The following MAP4K3 variants were observed in gnomAD, a reference collection of about 807,000 sequenced individuals.
The protein encoded by MAP4K3 is MAPK/ERK kinase kinase kinase 3.
In MAP4K3, 94 loss-of-function variants were observed where a neutral mutation model predicts 143.5. The ratio of observed to expected loss-of-function variants is 0.65; its 90% CI spans 0.55 to 0.78. MAP4K3 has a LOEUF of 0.78. Ranked by LOEUF, MAP4K3 falls within the 30% of genes least tolerant of loss-of-function variation. MAP4K3 has a pLI of 0.00. For missense variants in MAP4K3, 1,077 were observed against 1,068.1 expected (o/e 1.01, Z -0.12); for synonymous variants, 416 against 347.2 (o/e 1.20, Z -2.20).
intron 2 of MAP4K3, among the ~76,000 whole-genome samples, chr2:39,368,091 G>A (rs923028909): frequency 2.6e-5 from 4 of 152,102 alleles, no homozygotes; most frequent in African/African-American, 9.7e-5. Flanking sequence ...GGTTCTGATG[G>A]AAGGCCCAAA....
chr2:39,321,772 T>C lies in MAP4K3; in HGVS notation c.918+3746A>G, dbSNP rs180959815. 2.4e-3 allele frequency among the ~76,000 whole-genome samples: 364 copies of C among 152,310 alleles called. 1 individual carries two copies. The highest frequency in any genetic ancestry group is 6.8e-3 in the Middle Eastern group (2 of 294). On this transcript the variant is annotated intron_variant, in intron 12 of 33. Transcript: ENST00000263881. ...TGGAGGTGGGACATGCGGGCAACAA[T>C]ACTGGTTTGTAAAGCATTGAGATGT...
At chr2:39,303,884 T>C (rs1217364672) in intron 15 of MAP4K3, among the ~76,000 whole-genome samples, 1 of 152,150 alleles carries the variant, frequency 6.6e-6, no homozygotes, top group East Asian at 1.9e-4. Flanking sequence ...TGTTTTTAAT[T>C]GGTACATGGG....
At chr2:39,285,540 T>C (rs1681733829) in intron 21 of MAP4K3, among the ~76,000 whole-genome samples, 2 of 152,196 alleles carry the variant, frequency 1.3e-5, no homozygotes, top group Admixed American at 1.3e-4. Flanking sequence ...ATAAAACCCA[T>C]TCCTAAATTT....
intron 6 of MAP4K3, among the ~76,000 whole-genome samples, chr2:39,334,387 C>T (rs1683790765): frequency 6.6e-6 from 1 of 152,036 alleles, no homozygotes; most frequent in Non-Finnish European, 1.5e-5. Flanking sequence ...CCCTCCTACT[C>T]TCAACCAACA....
intron 4 of MAP4K3, among the ~76,000 whole-genome samples, chr2:39,338,759 T>C (rs927221502): frequency 6.6e-6 from 1 of 152,198 alleles, no homozygotes. Flanking sequence ...AGATTAAGAC[T>C]CTTAATAAAA....
intron 2 of MAP4K3, among the ~76,000 whole-genome samples, chr2:39,377,049 A>C (rs572942489): frequency 6.6e-6 from 1 of 152,134 alleles, no homozygotes; most frequent in Non-Finnish European, 1.5e-5. Context: ...GATCACAGTC[A>C]ATCAGCACAT....
At chr2:39,426,760 TAGAC>T (rs1558351824) in intron 1 of MAP4K3, among the ~76,000 whole-genome samples, 1 of 152,034 alleles carries the variant, frequency 6.6e-6, no homozygotes, top group African/African-American at 2.4e-5. Context: ...AACAGCAGAT[TAGAC>T]AGACATAATT....
rs1411667224 is a variant in MAP4K3, at chr2:39,404,622, T to C, written c.97-26499A>G. Among the ~76,000 whole-genome samples, 81 of 144,466 alleles carry C rather than the reference T, an allele frequency of 5.6e-4. No homozygotes were observed. The South Asian group carries it at 8.8e-3, about 16-fold the overall frequency. 94.8% of individuals were successfully genotyped at this position (144,466 alleles called of 152,430 possible). On this transcript the variant is annotated intron_variant, in intron 1 of 33. Transcript: ENST00000263881. Reference sequence around the variant, plus strand: ...TTTTTTTTTCTTCTTTCTTTCTTTTTTTTTTTTTTTTTTTTTGAGGTGGAG... The same window carrying C: ...TTTTTTTTTCTTCTTTCTTTCTTTTCTTTTTTTTTTTTTTTTGAGGTGGAG...
At chr2:39,251,002 G>A (rs941770849) in intron 33 of MAP4K3, among the ~76,000 whole-genome samples, 8 of 152,258 alleles carry the variant, frequency 5.3e-5, no homozygotes, top group African/African-American at 1.7e-4. Context: ...TTCTAAAAAC[G>A]ATTTGCAGTT....
intron 1 of MAP4K3, among the ~76,000 whole-genome samples, chr2:39,402,807 AAAAG>A (rs1175484884): frequency 1.3e-5 from 2 of 151,984 alleles, no homozygotes; most frequent in Non-Finnish European, 2.9e-5. Context: ...CCAAAAAGAA[AAAAG>A]AAAGAAAAAA....
At chr2:39,308,903 G>C (rs1318015080) in intron 14 of MAP4K3, among the ~76,000 whole-genome samples, 3 of 151,352 alleles carry the variant, frequency 2.0e-5, no homozygotes, top group African/African-American at 7.3e-5. Flanking sequence ...GGAAACCATG[G>C]CATTTATCAT....
At chr2:39,272,631 T>C in intron 24 of MAP4K3, 89 bp from the exon 25 acceptor site, 2 of 977,932 alleles carry the variant, frequency 2.0e-6, no homozygotes, top group Non-Finnish European at 3.2e-6. Context: ...CTGTCTTATC[T>C]ACAGGTCAGT....
chr2:39,373,536 T>A (rs1477265447), intron 2 of MAP4K3, among the ~76,000 whole-genome samples: 1 of 152,326 alleles, frequency 6.6e-6, no homozygotes, highest in East Asian at 1.9e-4. Flanking sequence ...GGAAGCAACC[T>A]AAGTGTCCAT....
At chr2:39,403,635 C>T (rs777014056) in intron 1 of MAP4K3, among the ~76,000 whole-genome samples, 1 of 151,972 alleles carries the variant, frequency 6.6e-6, no homozygotes, top group Non-Finnish European at 1.5e-5. Flanking sequence ...CTGCAGCCCT[C>T]AATAAACCTG....
intron 2 of MAP4K3, among the ~76,000 whole-genome samples, chr2:39,375,965 C>T (rs1223992690): frequency 6.6e-6 from 1 of 152,204 alleles, no homozygotes; most frequent in Non-Finnish European, 1.5e-5. Context: ...CATATTCATT[C>T]ACCAGTTGAT....
At chr2:39,338,953 C>G (rs1665061409) in intron 4 of MAP4K3, among the ~76,000 whole-genome samples, 1 of 152,192 alleles carries the variant, frequency 6.6e-6, no homozygotes, top group Non-Finnish European at 1.5e-5. Context: ...ATAAATTACT[C>G]AGTCTCAGGC....
intron 4 of MAP4K3, among the ~76,000 whole-genome samples, chr2:39,341,611 G>A (rs867068855): frequency 4.3e-4 from 65 of 151,248 alleles, no homozygotes; most frequent in African/African-American, 1.6e-3. Context: ...AGCCGAGATA[G>A]CACCACTGCA....
chr2:39,304,040 A>C (rs1464036238), intron 15 of MAP4K3, among the ~76,000 whole-genome samples: 3 of 152,134 alleles, frequency 2.0e-5, no homozygotes, highest in Admixed American at 6.5e-5. Context: ...CTTTTAATTA[A>C]CTTACAGTGA....
intron 3 of MAP4K3, among the ~76,000 whole-genome samples, chr2:39,348,855 C>T (rs1665370430): frequency 6.6e-6 from 1 of 152,080 alleles, no homozygotes; most frequent in Admixed American, 6.6e-5. Flanking sequence ...TCTTATAATT[C>T]CTAAAACACA....
Sources: allele counts gnomAD v4.1 joint callset (sites outside exome capture counted in the v4.1 genomes callset), GRCh38; gene constraint gnomAD v4.1.1; transcripts MANE v1.5; gene names NCBI Gene and HGNC (gene_info 2026-07-23, HGNC 2026-07-21).